The following APOH variants were observed in gnomAD, a reference collection of about 807,000 sequenced individuals.
APOH encodes the protein beta-2-glycoprotein 1.
A neutral mutation model predicts 39.8 loss-of-function variants in APOH; 48 were observed. The observed-to-expected ratio is 1.21, with a 90% CI of 0.96 to 1.54. The LOEUF (loss-of-function observed/expected upper bound fraction) is 1.54. APOH is among the 40% of genes most tolerant of loss of function. APOH has a pLI of 0.00. For missense variants in APOH, 415 were observed against 421.2 expected (o/e 0.99, Z 0.13); for synonymous variants, 153 against 151.1 (o/e 1.01, Z -0.09).
intron 5 of APOH, among the ~76,000 whole-genome samples, chr17:66,219,912 A>G (rs2073387174): frequency 6.6e-6 from 1 of 152,184 alleles, no homozygotes; most frequent in African/African-American, 2.4e-5. Context: ...TATCTCAAAA[A>G]AAAGAAAAAA....
At chr17:66,218,529 G>T (rs1416860518) in intron 5 of APOH, among the ~76,000 whole-genome samples, 1 of 151,860 alleles carries the variant, frequency 6.6e-6, no homozygotes, top group Non-Finnish European at 1.5e-5. Context: ...GGCTGGTCTT[G>T]AACTCCTGAC....
intron 6 of APOH, among the ~76,000 whole-genome samples, chr17:66,215,102 A>G (rs2073357023): frequency 6.6e-6 from 1 of 152,196 alleles, no homozygotes; most frequent in African/African-American, 2.4e-5. Context: ...CACCTCTCCC[A>G]GGAGTTTATG....
intron 2 of APOH, among the ~76,000 whole-genome samples, 182 bp from the exon 3 acceptor site, chr17:66,226,306 T>C (rs1237249880): frequency 6.6e-6 from 1 of 152,224 alleles, no homozygotes; most frequent in Non-Finnish European, 1.5e-5. Context: ...AAGTGATATA[T>C]GTACAAAAGC....
intron 5 of APOH, 117 bp downstream of exon 5, chr17:66,220,437 A>G (rs2073390170): frequency 2.0e-6 from 2 of 976,120 alleles, no homozygotes; most frequent in Non-Finnish European, 3.1e-6. Context: ...TAGATGCTCA[A>G]TAAACAGCTG....
chr17:66,217,603 C>G (rs2073373564), intron 5 of APOH, among the ~76,000 whole-genome samples: 2 of 152,054 alleles, frequency 1.3e-5, no homozygotes, highest in Non-Finnish European at 2.9e-5. Context: ...AGGGTACAAA[C>G]TCCAGAGTCA....
chr17:66,221,262 A>AGAGAAAGG (rs1491506603), intron 4 of APOH, among the ~76,000 whole-genome samples: 2 of 111,634 alleles, frequency 1.8e-5, no homozygotes, highest in Admixed American at 1.7e-4. Context: ...AGAGAGAGAG[A>AGAGAAAGG]AAGAAAGGAA....
intron 7 of APOH, 92 bp from the exon 8 acceptor site, chr17:66,212,280 G>A (rs576409449): frequency 2.0e-6 from 2 of 1,012,214 alleles, no homozygotes; most frequent in South Asian, 1.4e-5. Flanking sequence ...CATTTTACGA[G>A]TATATAGAAT....
At chr17:66,227,793 T>C (rs2073448542) in intron 2 of APOH, among the ~76,000 whole-genome samples, 1 of 152,218 alleles carries the variant, frequency 6.6e-6, no homozygotes, top group Admixed American at 6.5e-5. Flanking sequence ...TTTTTAAACC[T>C]ACCCTAGTTT....
At chr17:66,213,927 C>T (rs1323420960) in intron 7 of APOH, among the ~76,000 whole-genome samples, 2 of 151,394 alleles carry the variant, frequency 1.3e-5, no homozygotes, top group African/African-American at 4.9e-5. Flanking sequence ...GACAGTGAGA[C>T]CTTGTCTCAA....
Position 66,214,491 on chromosome 17 carries a change from C to T in APOH, c.944G>A (p.Cys315Tyr), listed in dbSNP as rs1341548729. The change falls in exon 7 of 8, where the codon TGT (cysteine) becomes TAT (tyrosine). Residue 315 changes from cysteine to tyrosine, a missense_variant. Cys to Tyr is a radical substitution (Grantham distance 194). Transcript: ENST00000205948. ...KKCSYTEDAQ[C>Y]IDGTIEVPKC... ...GGGGACTTCGATAGTGCCATCTATA[C>T]ACTGAGCATCCTCTGTATAGCTACA... The T allele has an allele frequency of 1.9e-5, 31 of 1,614,196 alleles. No homozygotes were observed. Among genetic ancestry groups the T allele is most frequent in the Non-Finnish European group, 2.5e-5 (30 of 1,180,026 alleles).
At position 66,215,946 on chromosome 17, in the gene APOH, G is replaced by A. The variant is rs376956504; in HGVS notation, c.784+842C>T. On this transcript the variant is annotated intron_variant, in intron 6 of 7. Transcript: ENST00000205948. ...CTTCATCTTCAATGCCCACATGATC[G>A]ACTTGCCTGTTGCCTCCTTATAATA... Among the ~76,000 whole-genome samples, 69 of 151,938 alleles carry A rather than the reference G, an allele frequency of 4.5e-4. 1 individual carries two copies. The South Asian group carries it at 0.014, about 30-fold the overall frequency.
intron 3 of APOH, among the ~76,000 whole-genome samples, chr17:66,224,092 G>A (rs562044388): frequency 2.0e-5 from 3 of 152,320 alleles, no homozygotes; most frequent in African/African-American, 4.8e-5. Context: ...GATGACAAAA[G>A]TGAACCAAAC....
At chr17:66,228,714 T>C (rs1483482902) in intron 1 of APOH, 1 of 147,936 alleles carries the variant, frequency 6.8e-6, no homozygotes, top group African/African-American at 2.5e-5. Flanking sequence ...AGCAGGAGAA[T>C]GGAGTGAACC....
Position 66,212,125 on chromosome 17 carries a change from A to G in APOH, c.*8T>C. The G allele has an allele frequency of 6.2e-7, 1 of 1,612,532 alleles. No homozygotes were observed. Among genetic ancestry groups the G allele is most frequent in the Non-Finnish European group, 8.5e-7 (1 of 1,178,618 alleles). Reference sequence around the variant, plus strand: ...GTGTGACATTTTGTGTGGAATCTGAAAACCACCTTAGCATGGCTTTACATC... The same window carrying G: ...GTGTGACATTTTGTGTGGAATCTGAGAACCACCTTAGCATGGCTTTACATC... On this transcript the variant is annotated 3_prime_UTR_variant, in exon 8 of 8. Transcript: ENST00000205948.
chr17:66,227,931 G>T, intron 2 of APOH, 89 bp downstream of exon 2: 1 of 1,409,172 alleles, frequency 7.1e-7, no homozygotes. Flanking sequence ...CTGGCCCTCT[G>T]CACTCTGAGC....
chr17:66,226,209 A>G, intron 2 of APOH, 85 bp from the exon 3 acceptor site: 1 of 937,982 alleles, frequency 1.1e-6, no homozygotes, highest in Non-Finnish European at 1.6e-6. Context: ...AGAATTTTTC[A>G]TTAAATGAAA....
intron 4 of APOH, among the ~76,000 whole-genome samples, chr17:66,223,466 T>C (rs1249259976): frequency 6.6e-6 from 1 of 152,150 alleles, no homozygotes; most frequent in Non-Finnish European, 1.5e-5. Context: ...GATAGAGTAA[T>C]GACCGCGAGG....
At chr17:66,223,855 C>T (rs8178836) in intron 3 of APOH, 81 bp from the exon 4 acceptor site, 19,354 of 1,242,838 alleles carry the variant, frequency 0.016, 208 homozygotes, top group Non-Finnish European at 0.018. Context: ...TTGAGCATTG[C>T]TTCATGTTAA....
chr17:66,228,319 A>G, intron 1 of APOH, 123 bp from the exon 2 acceptor site: 1 of 923,734 alleles, frequency 1.1e-6, no homozygotes, highest in Non-Finnish European at 1.6e-6. Context: ...TTGCATGCCA[A>G]ATACCTCATA....
Sources: gnomAD v4.1 joint callset for allele counts (sites outside exome capture counted in the v4.1 genomes callset) on GRCh38, gnomAD v4.1.1 for gene constraint, MANE v1.5 for transcripts, NCBI Gene and HGNC (gene_info 2026-07-23, HGNC 2026-07-21) for gene names.